Variants in CSMD2 observed in about 807,000 individuals in gnomAD.
CSMD2 encodes the protein CUB and Sushi multiple domains 2.
A neutral mutation model predicts 398.5 loss-of-function variants in CSMD2; 130 were observed. The ratio of observed to expected loss-of-function variants is 0.33; its 90% CI spans 0.28 to 0.38. The LOEUF is 0.38. Among genes scored for constraint, CSMD2 ranks in the 10% least tolerant of loss-of-function variants. CSMD2 has a pLI of 1.00. For missense variants in CSMD2, 3,829 were observed against 4,764.9 expected (o/e 0.80, Z 5.78); for synonymous variants, 1,828 against 1,908.5 (o/e 0.96, Z 1.10).
At chr1:33,890,922 C>T (rs180939928) in intron 5 of CSMD2, among the ~76,000 whole-genome samples, 2,375 of 152,206 alleles carry the variant, frequency 0.016, 33 homozygotes, top group Non-Finnish European at 0.023. Flanking sequence ...CTTAAATAAA[C>T]GTTAGACCTA....
chr1:33,665,896 C>A (rs953560061), intron 25 of CSMD2, among the ~76,000 whole-genome samples: 3 of 152,180 alleles, frequency 2.0e-5, no homozygotes, highest in African/African-American at 7.2e-5. Context: ...GTAGACTATG[C>A]TTCTCCCTAA....
In CSMD2 at chr1:33,524,913, G is replaced by T. The variant is rs752839094; in HGVS notation, c.10365C>A (p.Ile3455=). Residue 3455 remains isoleucine (I), a synonymous_variant, in exon 66 of 71, where the codon ATC becomes ATA. Coordinates refer to ENST00000373381, the MANE Select transcript of CSMD2 (RefSeq NM_001281956.2). The part of the protein sequence containing the change: ...VANSKVNATM[I]DHSGVELHLA... ...AGTGCAGCTCCACGCCACTGTGGTC[G>T]ATCATGGTGGCATTGACCTTGCTGT... 1 of 1,614,160 alleles carries T rather than the reference G, an allele frequency of 6.2e-7. No individual in the cohort carries two copies. The highest frequency in any genetic ancestry group is 1.1e-5 in the South Asian group (1 of 91,086).
intron 3 of CSMD2, among the ~76,000 whole-genome samples, chr1:33,941,256 C>T (rs1485039263): frequency 6.6e-6 from 1 of 152,184 alleles, no homozygotes; most frequent in African/African-American, 2.4e-5. Context: ...CAATGAATCT[C>T]CTCTGTGGCT....
At chr1:34,120,206 A>G (rs34477026) in intron 1 of CSMD2, among the ~76,000 whole-genome samples, 25,422 of 152,216 alleles carry the variant, frequency 0.17, 2,459 homozygotes, top group South Asian at 0.36. Context: ...TAAGTCACAA[A>G]AAGATATTAC....
chr1:33,977,657 G>GCCAGCT (rs1646017927), intron 3 of CSMD2, among the ~76,000 whole-genome samples: 1 of 151,760 alleles, frequency 6.6e-6, no homozygotes, highest in South Asian at 2.1e-4. Flanking sequence ...CTGTGCTCTT[G>GCCAGCT]CCAGCTCCTG....
intron 4 of CSMD2, among the ~76,000 whole-genome samples, chr1:33,927,061 C>A (rs1033585022): frequency 1.3e-5 from 2 of 152,152 alleles, no homozygotes; most frequent in Non-Finnish European, 2.9e-5. Flanking sequence ...AATGAAGATG[C>A]CAACAGGCCC....
At chr1:33,739,007 A>T in intron 15 of CSMD2, 133 bp downstream of exon 15, 1 of 760,018 alleles carries the variant, frequency 1.3e-6, no homozygotes, top group South Asian at 1.9e-5. Context: ...TGAGGGTGAG[A>T]GAGTGGCCCT....
intron 1 of CSMD2, among the ~76,000 whole-genome samples, chr1:34,092,741 C>A (rs1339806767): frequency 2.8e-4 from 42 of 152,054 alleles, no homozygotes; most frequent in African/African-American, 9.4e-4. Context: ...TATCCCGCAC[C>A]TGGCTCGGAG....
intron 1 of CSMD2, among the ~76,000 whole-genome samples, chr1:34,132,240 C>T (rs1558437145): frequency 6.6e-6 from 1 of 152,094 alleles, no homozygotes; most frequent in Non-Finnish European, 1.5e-5. Flanking sequence ...ACCTGTGGCA[C>T]CTCGTCCTGC....
At chr1:33,713,902 TCAACACTGCCTGACA>T (rs1646072484) in intron 21 of CSMD2, among the ~76,000 whole-genome samples, 1 of 152,206 alleles carries the variant, frequency 6.6e-6, no homozygotes, top group African/African-American at 2.4e-5. Context: ...TCTGTATGCC[TCAACACTGCCTGACA>T]CATCACATAT....
rs1640170309 is a variant in CSMD2 at position 33,600,929 on chromosome 1, G to A, written c.6792C>T (p.Asn2264=). 1 of 1,614,156 alleles carries A rather than the reference G, an allele frequency of 6.2e-7. No homozygotes were observed. The highest frequency in any genetic ancestry group is 2.2e-5 in the East Asian group (1 of 44,878). ...CACGGTGGAACTTGAGCAGGACCTG[G>A]TTGGATGAACTCTGCACTGTTTTCT... ...MAKKTVQSSS[N]QVLLKFHRDA... The change falls in exon 44 of 71, where the codon AAC becomes AAT. Residue 2264 remains asparagine (N), a synonymous_variant. Transcript: ENST00000373381.
At chr1:33,685,007 C>T (rs971943258) in intron 25 of CSMD2, among the ~76,000 whole-genome samples, 4 of 152,146 alleles carry the variant, frequency 2.6e-5, no homozygotes, top group African/African-American at 7.2e-5. Context: ...CCACTTTTTC[C>T]CTGCCAGGCA....
At chr1:33,930,910 TC>T (rs1644292071) in intron 4 of CSMD2, among the ~76,000 whole-genome samples, 1 of 152,136 alleles carries the variant, frequency 6.6e-6, no homozygotes, top group Admixed American at 6.5e-5. Context: ...TGTTCCCTAT[TC>T]CCCCACTCCT....
At chr1:33,566,099 A>AG (rs1659029328) in intron 53 of CSMD2, among the ~76,000 whole-genome samples, 1 of 142,786 alleles carries the variant, frequency 7.0e-6, no homozygotes, top group African/African-American at 2.6e-5. Flanking sequence ...CTGATGAAGA[A>AG]GAAAAAAAAA....
intron 10 of CSMD2, among the ~76,000 whole-genome samples, chr1:33,807,805 A>G (rs1656394718): frequency 1.3e-5 from 2 of 152,182 alleles, no homozygotes; most frequent in African/African-American, 4.8e-5. Context: ...AAATGATTGT[A>G]TAATTCACAA....
intron 1 of CSMD2, among the ~76,000 whole-genome samples, chr1:34,125,433 G>A (rs1662633711): frequency 6.6e-6 from 1 of 152,012 alleles, no homozygotes; most frequent in African/African-American, 2.4e-5. Context: ...CAGGTATGGC[G>A]CTCACATGTG....
intron 2 of CSMD2, among the ~76,000 whole-genome samples, chr1:34,040,330 A>AAAGTATC (rs1291829255): frequency 1.3e-5 from 2 of 152,232 alleles, no homozygotes; most frequent in African/African-American, 4.8e-5. Context: ...CCAAGATGTC[A>AAAGTATC]AAGTATCAGA....
intron 15 of CSMD2, among the ~76,000 whole-genome samples, chr1:33,730,666 G>A (rs114390355): frequency 0.015 from 2,247 of 151,824 alleles, 32 homozygotes; most frequent in Non-Finnish European, 0.022. Flanking sequence ...ATTATTGTTG[G>A]TAGCCATTGG....
chr1:33,611,163 A>T lies in CSMD2; in HGVS notation c.6221T>A (p.Met2074Lys). The T allele has an allele frequency of 1.2e-6, 2 of 1,614,072 alleles. No homozygotes were observed. Among genetic ancestry groups the T allele is most frequent in the South Asian group, 2.2e-5 (2 of 91,054 alleles). Reference sequence around the variant, plus strand: ...CTCGCTTCCACTGAATCTTCCCATCATGCGGCTGGTCTCATAGGGGCCATT... The same window carrying T: ...CTCGCTTCCACTGAATCTTCCCATCTTGCGGCTGGTCTCATAGGGGCCATT... ...IRNGPYETSRMMGRFSGSELP... is the reference protein window; with the variant it reads ...IRNGPYETSRKMGRFSGSELP... The change falls in exon 41 of 71, where the codon ATG (methionine) becomes AAG (lysine). Residue 2074 changes from methionine to lysine, a missense_variant. Met to Lys is a moderately conservative substitution (Grantham distance 95). Coordinates refer to ENST00000373381, the MANE Select transcript of CSMD2 (RefSeq NM_001281956.2).
Sources: gnomAD v4.1 joint callset for allele counts (sites outside exome capture counted in the v4.1 genomes callset) on GRCh38, gnomAD v4.1.1 for gene constraint, MANE v1.5 for transcripts, NCBI Gene and HGNC (gene_info 2026-07-23, HGNC 2026-07-21) for gene names.